Variants in NPAT observed in about 807,000 individuals in gnomAD.
The protein encoded by NPAT is protein NPAT.
Under a neutral mutation model 130.7 loss-of-function variants are expected in NPAT, and 52 were observed. That is an observed-to-expected ratio of 0.40 (90% CI 0.32 to 0.50). NPAT has a LOEUF of 0.50. Ranked by LOEUF, NPAT falls within the 20% of genes least tolerant of loss-of-function variation. The pLI, the probability that NPAT is intolerant of heterozygous loss-of-function variation, is 0.68. For synonymous variants in NPAT, 580 were observed against 584.8 expected (o/e 0.99, Z 0.12); for missense variants, 1,687 against 1,662.6 (o/e 1.01, Z -0.26).
intron 4 of NPAT, among the ~76,000 whole-genome samples, chr11:108,191,230 C>T (rs918780958): frequency 6.6e-6 from 1 of 152,094 alleles, no homozygotes; most frequent in African/African-American, 2.4e-5. Flanking sequence ...ATAAATACTT[C>T]AGAATCCCCA....
At chr11:108,199,547 G>A (rs2078255325) in intron 1 of NPAT, among the ~76,000 whole-genome samples, 2 of 152,270 alleles carry the variant, frequency 1.3e-5, no homozygotes, top group South Asian at 4.1e-4. Flanking sequence ...CATTTCTGAG[G>A]CTTCTTGCCT....
Position 108,173,057 on chromosome 11 carries a change from C to G in NPAT, c.1927G>C (p.Glu643Gln). The change falls in exon 13 of 18, where the codon GAG becomes CAG. Residue 643 changes from glutamate (E) to glutamine (Q), a missense_variant. Around this residue, in one of 3 missense-constraint regions of NPAT, gnomAD observed 1,379 missense variants for 1,346.6 expected, o/e 1.02. Transcript: ENST00000278612. ...KQPSNDSASV[E>Q]LNHTENEAQA... ...GCTTCATTTTCTGTATGATTTAACT[C>G]AACAGATGCTGAATCATTAGATGGT... The G allele has an allele frequency of 1.2e-6, 2 of 1,613,988 alleles. No individual in the cohort carries two copies. Among genetic ancestry groups the G allele is most frequent in the Non-Finnish European group, 1.7e-6 (2 of 1,179,954 alleles).
Position 108,172,274 on chromosome 11 carries a change from G to A in NPAT, c.2710C>T (p.Pro904Ser). 1 of 1,613,936 alleles carries A rather than the reference G, an allele frequency of 6.2e-7. No homozygotes were observed. The highest frequency in any genetic ancestry group is 8.5e-7 in the Non-Finnish European group (1 of 1,179,776). Residue 904 changes from proline to serine, a missense_variant, in exon 13 of 18, where the codon CCT becomes TCT. Physicochemically the swap from Pro to Ser is moderately conservative, Grantham distance 74. Around this residue, in one of 3 missense-constraint regions of NPAT, gnomAD observed 1,379 missense variants for 1,346.6 expected, o/e 1.02. Coordinates refer to ENST00000278612, the MANE Select transcript of NPAT (RefSeq NM_002519.3). ...SAPMTAQPLP[P>S]QLQTPPRSNS... ...GACCTTGGTGGTGTCTGTAACTGAG[G>A]TGGTAGAGGTTGAGCAGTCATAGGT... is the stretch of plus-strand genomic sequence containing the variant.
At chr11:108,199,459 G>A (rs1004018445) in intron 1 of NPAT, among the ~76,000 whole-genome samples, 7 of 152,246 alleles carry the variant, frequency 4.6e-5, no homozygotes, top group Admixed American at 3.9e-4. Context: ...CAGCATAGCG[G>A]CACTGAATGG....
intron 1 of NPAT, among the ~76,000 whole-genome samples, chr11:108,207,644 T>C (rs1002765379): frequency 6.6e-6 from 1 of 152,124 alleles, no homozygotes; most frequent in African/African-American, 2.4e-5. Flanking sequence ...CAACTTTACT[T>C]TGAAATCGGA....
chr11:108,158,755 A>G lies in NPAT; in HGVS notation c.*187T>C, dbSNP rs1411908692. ...CAAACGTTTTTCCCAAAATAAAAATATACCAAGTAAGTCTATTTACAAACT... is the reference window on the plus strand; with the variant it reads ...CAAACGTTTTTCCCAAAATAAAAATGTACCAAGTAAGTCTATTTACAAACT... On this transcript the variant is annotated 3_prime_UTR_variant, in exon 18 of 18. Transcript: ENST00000278612. 9.3e-6 allele frequency: 5 copies of G among 536,918 alleles called. No individual in the cohort carries two copies. Among genetic ancestry groups the G allele is most frequent in the Non-Finnish European group, 1.7e-5 (5 of 300,012 alleles). The allele number at this position is 536,918 out of a possible 1,614,324, so 33.3% of individuals were successfully genotyped here.
chr11:108,163,655 T>C (rs2134822647), intron 15 of NPAT, among the ~76,000 whole-genome samples: 1 of 152,248 alleles, frequency 6.6e-6, no homozygotes, highest in Middle Eastern at 3.4e-3. Flanking sequence ...GAGAAATATG[T>C]AGTTTGAAGG....
chr11:108,166,378 C>G (rs756274147), intron 15 of NPAT, among the ~76,000 whole-genome samples: 3 of 151,976 alleles, frequency 2.0e-5, no homozygotes, highest in Non-Finnish European at 2.9e-5. Context: ...AGTGACAGAG[C>G]AAGACTCCCA....
At chr11:108,214,301 A>G (rs1055479486) in intron 1 of NPAT, among the ~76,000 whole-genome samples, 3 of 152,258 alleles carry the variant, frequency 2.0e-5, no homozygotes, top group African/African-American at 7.2e-5. Flanking sequence ...AATACCTGCT[A>G]CAACATGGAA....
At chr11:108,177,412 A>C (rs1401335045) in intron 10 of NPAT, among the ~76,000 whole-genome samples, 1 of 152,040 alleles carries the variant, frequency 6.6e-6, no homozygotes, top group South Asian at 2.1e-4. Context: ...TTCTTGCCTC[A>C]GCCTCCCAGA....
In NPAT at chr11:108,197,553, C is replaced by A. The variant is rs1591408452; in HGVS notation, c.38-133G>T. The A allele has an allele frequency of 4.2e-6, 3 of 708,898 alleles. No individual in the cohort carries two copies. In the East Asian group the frequency reaches 7.5e-5, roughly 18 times the overall value. 43.9% of individuals were successfully genotyped at this position (708,898 alleles called of 1,614,324 possible). A position where few individuals can be genotyped will look rare whatever the true frequency, so the allele number is the denominator to read the frequency against. Reference sequence around the variant, plus strand: ...GGTGGAATGCTCTAGTGTTTGGCAGCCTTGAACAGAAACACCAGGTTGTGC... The same window carrying A: ...GGTGGAATGCTCTAGTGTTTGGCAGACTTGAACAGAAACACCAGGTTGTGC... On this transcript the variant is annotated intron_variant, in intron 1 of 17. Transcript: ENST00000278612.
intron 16 of NPAT, 42 bp downstream of exon 16, chr11:108,162,078 G>A (rs529329219): frequency 2.5e-6 from 4 of 1,610,536 alleles, no homozygotes; most frequent in East Asian, 4.5e-5. Flanking sequence ...TTTTAAATCT[G>A]AGCATTCAAA....
In NPAT at chr11:108,169,899, C is replaced by T. The variant is rs2077934487; in HGVS notation, c.2901+29G>A. On this transcript the variant is annotated intron_variant, in intron 14 of 17. Coordinates refer to ENST00000278612, the MANE Select transcript of NPAT (RefSeq NM_002519.3). ...ATTACACTAAGCTTGAAAAGCATCACCACACCATTTTCAGTTCATAAATCT... is the reference window on the plus strand; with the variant it reads ...ATTACACTAAGCTTGAAAAGCATCATCACACCATTTTCAGTTCATAAATCT... 9 of 1,608,048 alleles carry T rather than the reference C, an allele frequency of 5.6e-6. No homozygotes were observed. In the East Asian group the frequency reaches 2.0e-4, roughly 36 times the overall value.
At chr11:108,170,119 A>G in intron 13 of NPAT, 76 bp from the exon 14 acceptor site, 1 of 881,494 alleles carries the variant, frequency 1.1e-6, no homozygotes, top group Non-Finnish European at 1.9e-6. Context: ...GTTTGGCACA[A>G]ATTAATTACT....
At chr11:108,198,051 A>T (rs2078240654) in intron 1 of NPAT, among the ~76,000 whole-genome samples, 1 of 152,050 alleles carries the variant, frequency 6.6e-6, no homozygotes, top group South Asian at 2.1e-4. Flanking sequence ...GCACACACAG[A>T]CCCCCTTGGC....
chr11:108,175,418 A>G (rs765787479), intron 12 of NPAT, among the ~76,000 whole-genome samples: 1 of 152,208 alleles, frequency 6.6e-6, no homozygotes, highest in Non-Finnish European at 1.5e-5. Flanking sequence ...GCACATCTGA[A>G]TCCTTATTGT....
At chr11:108,205,704 C>A (rs2078319018) in intron 1 of NPAT, among the ~76,000 whole-genome samples, 1 of 152,144 alleles carries the variant, frequency 6.6e-6, no homozygotes, top group African/African-American at 2.4e-5. Flanking sequence ...CTCCTTCAGG[C>A]TAAAATGAGA....
chr11:108,189,206 G>C lies in NPAT; in HGVS notation c.456C>G (p.Ser152=). The C allele has an allele frequency of 6.2e-7, 1 of 1,614,188 alleles. No homozygotes were observed. Among genetic ancestry groups the C allele is most frequent in the Non-Finnish European group, 8.5e-7 (1 of 1,180,034 alleles). ...TTGGTCGAGTAACCTGTGTACCTGT[G>C]GAAGGAGGAGTGGTAAACTGTCCTG... is the stretch of plus-strand genomic sequence containing the variant. ...YLSGQFTTPP[S]TGTQVTRPSG... The change falls in exon 6 of 18, where the codon TCC becomes TCG. Residue 152 remains serine (S), a synonymous_variant. Coordinates refer to ENST00000278612, the MANE Select transcript of NPAT (RefSeq NM_002519.3).
intron 10 of NPAT, among the ~76,000 whole-genome samples, chr11:108,184,594 G>A (rs1043641501): frequency 1.3e-5 from 2 of 151,918 alleles, no homozygotes; most frequent in Non-Finnish European, 2.9e-5. Flanking sequence ...GCAGTGGTGC[G>A]ATCCCCGCTT....
Sources: gnomAD v4.1 joint callset for allele counts (sites outside exome capture counted in the v4.1 genomes callset) on GRCh38, gnomAD v4.1.1 for gene constraint, gnomAD v4.1.1 regional missense constraint, MANE v1.5 for transcripts, NCBI Gene and HGNC (gene_info 2026-07-23, HGNC 2026-07-21) for gene names.